The following TSC1 variants were observed in gnomAD, a reference collection of about 807,000 sequenced individuals.
The protein encoded by TSC1 is TSC complex subunit 1.
In TSC1, 20 loss-of-function variants were observed where a neutral mutation model predicts 124.3. The observed-to-expected ratio is 0.16, with a 90% confidence interval of 0.11 to 0.23. The LOEUF is 0.23. Among genes scored for constraint, TSC1 ranks in the 10% least tolerant of loss-of-function variants. The pLI, the probability that TSC1 is intolerant of heterozygous loss-of-function variation, is 1.00. For synonymous variants in TSC1, 493 were observed against 539.1 expected (o/e 0.91, Z 1.19); for missense variants, 1,124 against 1,448.5 (o/e 0.78, Z 3.64).
intron 4 of TSC1, 186 bp from the exon 5 acceptor site, chr9:132,925,925 G>T: frequency 1.3e-6 from 1 of 765,120 alleles, no homozygotes; most frequent in Non-Finnish European, 2.1e-6. Context: ...GCTGCATTTG[G>T]CCTGACAAAA....
chr9:132,927,545 A>ATTTT, intron 3 of TSC1, among the ~76,000 whole-genome samples: 1 of 77,244 alleles, frequency 1.3e-5, no homozygotes, highest in African/African-American at 5.4e-5. Flanking sequence ...TTTTTTTGAG[A>ATTTT]TGGAGTCTCA....
At chr9:132,943,205 G>A (rs1177878137) in intron 1 of TSC1, among the ~76,000 whole-genome samples, 1 of 150,120 alleles carries the variant, frequency 6.7e-6, no homozygotes, top group Non-Finnish European at 1.5e-5. Context: ...TATGCAACGT[G>A]AAGTGTTATT....
At chr9:132,931,796 A>G (rs1035411832) in intron 2 of TSC1, among the ~76,000 whole-genome samples, 3 of 152,244 alleles carry the variant, frequency 2.0e-5, no homozygotes, top group African/African-American at 7.2e-5. Context: ...TGAAGAATTA[A>G]ATGTTTTATA....
At position 132,896,589 on chromosome 9, in the gene TSC1, G is replaced by T. The variant is rs892228756; in HGVS notation, c.3141C>A (p.Thr1047=). ...GSSSSSSELS[T]PEKPPHQRAG... ...CCCTCTGGTGTGGGGGTTTCTCTGG[G>T]GTAGAAAGCTCGCTGCTGCTGCTGC... The change falls in exon 23 of 23, where the codon ACC becomes ACA. Residue 1047 remains threonine (T), a synonymous_variant. Transcript: ENST00000298552. The surrounding 1 kb of genome is among the most constrained non-coding windows in gnomAD (Gnocchi z 4.5). The T allele has an allele frequency of 1.2e-6, 2 of 1,613,850 alleles. No homozygotes were observed. The highest frequency in any genetic ancestry group is 1.7e-6 in the Non-Finnish European group (2 of 1,179,844).
intron 1 of TSC1, among the ~76,000 whole-genome samples, chr9:132,937,233 C>A (rs1410838741): frequency 6.6e-6 from 1 of 152,182 alleles, no homozygotes; most frequent in African/African-American, 2.4e-5. Flanking sequence ...CACCTGGCGT[C>A]GGGAGTTTGA....
At chr9:132,930,737 T>G (rs1847159209) in intron 2 of TSC1, among the ~76,000 whole-genome samples, 1 of 152,186 alleles carries the variant, frequency 6.6e-6, no homozygotes, top group South Asian at 2.1e-4. Context: ...CATTCACTGA[T>G]TTTGGCTCTT....
At chr9:132,929,605 C>G (rs571521372) in intron 2 of TSC1, among the ~76,000 whole-genome samples, 1 of 152,318 alleles carries the variant, frequency 6.6e-6, no homozygotes, top group South Asian at 2.1e-4. Context: ...AGAGCAGCTG[C>G]TTTATCTTGA....
chr9:132,917,229 C>T (rs974244039), intron 8 of TSC1, among the ~76,000 whole-genome samples: 1 of 152,060 alleles, frequency 6.6e-6, no homozygotes, highest in Non-Finnish European at 1.5e-5. Flanking sequence ...TTTAGCTGGG[C>T]ACCAGGTAAG....
At position 132,944,485 on chromosome 9, in the gene TSC1, G is replaced by A. The variant is rs76476422; in HGVS notation, c.-144+58C>T. 3.2e-4 allele frequency: 128 copies of A among 398,228 alleles called. 1 individual carries two copies. In the East Asian group the frequency reaches 4.3e-3, roughly 13 times the overall value. The allele number at this position is 398,228 out of a possible 1,614,324, so 24.7% of individuals were successfully genotyped here. Reference sequence around the variant, plus strand: ...GAGCCTCCCCGGCTGGAGTCATGGTGCCGGGGCTGCCCCAGGAAGCCCCCA... The same window carrying A: ...GAGCCTCCCCGGCTGGAGTCATGGTACCGGGGCTGCCCCAGGAAGCCCCCA... On this transcript the variant is annotated intron_variant, in intron 1 of 22. Transcript: ENST00000298552.
intron 1 of TSC1, among the ~76,000 whole-genome samples, chr9:132,936,989 C>T (rs1479553181): frequency 6.6e-6 from 1 of 152,260 alleles, no homozygotes; most frequent in Non-Finnish European, 1.5e-5. Context: ...ACGTGGAACA[C>T]ATTCCAGACA....
chr9:132,910,219 T>C (rs1257973993), intron 12 of TSC1: 5 of 500,376 alleles, frequency 1.0e-5, no homozygotes, highest in Middle Eastern at 5.2e-4. Flanking sequence ...GAGGATTGCA[T>C]GAGTCTGGGA....
chr9:132,908,659 G>C (rs1319698883), intron 12 of TSC1, among the ~76,000 whole-genome samples: 1 of 151,582 alleles, frequency 6.6e-6, no homozygotes, highest in Non-Finnish European at 1.5e-5. Context: ...TGTTGCCCAG[G>C]CTGGTCTTGA....
At chr9:132,936,945 C>T (rs1169811647) in intron 1 of TSC1, among the ~76,000 whole-genome samples, 2 of 152,214 alleles carry the variant, frequency 1.3e-5, no homozygotes, top group East Asian at 1.9e-4. Context: ...CAATTAAAAT[C>T]GCTTGTTCCA....
At chr9:132,940,954 T>C (rs533500214) in intron 1 of TSC1, 2 of 152,328 alleles carry the variant, frequency 1.3e-5, no homozygotes, top group East Asian at 3.9e-4. Flanking sequence ...TTAAGGTCAC[T>C]GCCTCTGTTC....
intron 1 of TSC1, among the ~76,000 whole-genome samples, chr9:132,937,862 GCAC>G (rs1847542295): frequency 6.6e-6 from 1 of 151,992 alleles, no homozygotes; most frequent in Admixed American, 6.6e-5. Flanking sequence ...ATACAGGCAC[GCAC>G]CACCATGCCC....
Position 132,906,746 on chromosome 9 carries a change from T to C in TSC1, c.1423A>G (p.Lys475Glu). 1 of 1,613,988 alleles carries C rather than the reference T, an allele frequency of 6.2e-7. No individual in the cohort carries two copies. Among genetic ancestry groups the C allele is most frequent in the South Asian group, 1.1e-5 (1 of 91,042 alleles). The change falls in exon 14 of 23, where the codon AAA (lysine) becomes GAA (glutamate). Residue 475 changes from lysine (K) to glutamate (E), a missense_variant. This residue lies in a region of TSC1 where 463 missense variants were observed against 606.8 expected (regional missense o/e 0.76). Coordinates refer to ENST00000298552, the MANE Select transcript of TSC1 (RefSeq NM_000368.5). The surrounding 1 kb of genome is among the most constrained non-coding windows in gnomAD (Gnocchi z 4.1). ...CATACATTACCTTCTTCTTTATCTT[T>C]TTCAATACTATCTTCTTCAGAGGCC... ...DLASEEDSIE[K>E]DKEEAAISRE...
rs1020420756 is a variant in TSC1 at position 132,923,506 on chromosome 9, G to A, written c.364-14C>T. The A allele has an allele frequency of 2.3e-5, 37 of 1,614,018 alleles. No homozygotes were observed. Among genetic ancestry groups the A allele is most frequent in the Non-Finnish European group, 3.1e-5 (37 of 1,179,934 alleles). On this transcript the variant is annotated splice_polypyrimidine_tract_variant and intron_variant, in intron 5 of 22. Transcript: ENST00000298552. The surrounding 1 kb of genome is among the most constrained non-coding windows in gnomAD (Gnocchi z 4.2). ...GTCAGTGTCCATCTGCAGGAGAAAA[G>A]GTCAAACAGGAAACGTCTGTCAGGC...
Position 132,935,110 on chromosome 9 carries a change from CAT to C in TSC1, c.-143-17_-143-16del, listed in dbSNP as rs759839264. 8.0e-5 allele frequency: 32 copies of C among 398,928 alleles called. No homozygotes were observed. Among genetic ancestry groups the C allele is most frequent in the Non-Finnish European group, 1.1e-4 (25 of 226,064 alleles). 24.7% of individuals were successfully genotyped at this position (398,928 alleles called of 1,614,324 possible). ...TTTCATGGTCACTGAAGGAAGAAAA[CAT>C]ATGTACAATGAAGCAAAATCCCAGA... On this transcript the variant is annotated splice_polypyrimidine_tract_variant and intron_variant, in intron 1 of 22. Transcript: ENST00000298552.
At chr9:132,927,970 G>C (rs1203689804) in intron 3 of TSC1, among the ~76,000 whole-genome samples, 1 of 152,148 alleles carries the variant, frequency 6.6e-6, no homozygotes, top group African/African-American at 2.4e-5. Context: ...CTTAAGTTTA[G>C]AGTGTGTCTC....
Sources: gnomAD v4.1 joint callset for allele counts (sites outside exome capture counted in the v4.1 genomes callset) on GRCh38, gnomAD v4.1.1 for gene constraint, gnomAD v4.1.1 regional missense constraint, Gnocchi (gnomAD v3.1) non-coding constraint, MANE v1.5 for transcripts, NCBI Gene and HGNC (gene_info 2026-07-23, HGNC 2026-07-21) for gene names.